PRDM5: variants seen among roughly 807,000 people sequenced by gnomAD.
PRDM5 encodes PR domain zinc finger protein 5.
Under a neutral mutation model 81.2 loss-of-function variants are expected in PRDM5, and 56 were observed. That is an observed-to-expected ratio of 0.69 (90% confidence interval 0.56 to 0.86). The LOEUF is 0.86. PRDM5 is among the 40% of genes least tolerant of loss of function. The pLI is 0.00. For synonymous variants in PRDM5, 267 were observed against 256.4 expected (o/e 1.04, Z -0.39); for missense variants, 697 against 770.1 (o/e 0.91, Z 1.12).
Position 120,785,040 on chromosome 4 carries a change from G to A in PRDM5, c.1240C>T (p.Arg414Trp), listed in dbSNP as rs371659094. 1.1e-5 allele frequency: 18 copies of A among 1,611,504 alleles called. No individual in the cohort carries two copies. Among genetic ancestry groups the A allele is most frequent in the Non-Finnish European group, 1.5e-5 (18 of 1,178,128 alleles). The change falls in exon 11 of 16, where the codon CGG becomes TGG. Residue 414 changes from arginine (R) to tryptophan (W), a missense_variant. This residue lies in a region of PRDM5 where 577 missense variants were observed against 606.7 expected (regional missense o/e 0.95). Transcript: ENST00000264808. Reference protein sequence around the residue: ...FQCEECKALFRTPFSLQRHLL... With the variant: ...FQCEECKALFWTPFSLQRHLL... ...TGTCTCTGTAAAGAAAATGGGGTCC[G>A]GAACAAAGCTTTACATTCTTCACAT...
chr4:120,796,063 A>G (rs568033409), intron 10 of PRDM5, among the ~76,000 whole-genome samples: 1 of 152,300 alleles, frequency 6.6e-6, no homozygotes, highest in African/African-American at 2.4e-5. Context: ...AAAAAACAAA[A>G]GAATAATTAA....
intron 13 of PRDM5, among the ~76,000 whole-genome samples, chr4:120,767,194 T>C (rs1438656423): frequency 6.6e-6 from 1 of 152,148 alleles, no homozygotes; most frequent in Non-Finnish European, 1.5e-5. Flanking sequence ...GACTAACAGG[T>C]AATAATCCAA....
intron 14 of PRDM5, among the ~76,000 whole-genome samples, chr4:120,736,528 C>G (rs1299581155): frequency 6.6e-6 from 1 of 152,128 alleles, no homozygotes; most frequent in African/African-American, 2.4e-5. Context: ...CTCAAGAGCC[C>G]TGAGCGTAAA....
chr4:120,873,072 G>A (rs1761999327), intron 2 of PRDM5, among the ~76,000 whole-genome samples: 5 of 152,022 alleles, frequency 3.3e-5, no homozygotes, highest in Non-Finnish European at 2.9e-5. Flanking sequence ...TTCAATCTCT[G>A]CTCACTGCAA....
intron 2 of PRDM5, among the ~76,000 whole-genome samples, chr4:120,867,542 C>T (rs188184394): frequency 3.9e-4 from 59 of 152,100 alleles, no homozygotes; most frequent in Middle Eastern, 6.8e-3. Flanking sequence ...AAACTATTGA[C>T]CATAAATATT....
At chr4:120,765,843 G>A (rs926662613) in intron 13 of PRDM5, among the ~76,000 whole-genome samples, 1 of 152,086 alleles carries the variant, frequency 6.6e-6, no homozygotes, top group Admixed American at 6.6e-5. Flanking sequence ...CATCAGCAAT[G>A]TTAGCAGCAA....
At position 120,692,978 on chromosome 4, in the gene PRDM5, C is replaced by G. The variant is rs1734174318; in HGVS notation, c.*2133G>C. 1 of 152,076 alleles carries G rather than the reference C, an allele frequency of 6.6e-6. No individual in the cohort carries two copies. Among genetic ancestry groups the G allele is most frequent in the African/African-American group, 2.4e-5 (1 of 41,408 alleles). 9.4% of individuals were successfully genotyped at this position (152,076 alleles called of 1,614,324 possible). ...AAATTTACAGCATACAAATAGTCTA[C>G]TAAGGACTTGTTTTGGTTTCAGTCC... is the stretch of plus-strand genomic sequence containing the variant. On this transcript the variant is annotated 3_prime_UTR_variant, in exon 16 of 16. Coordinates refer to ENST00000264808, the MANE Select transcript of PRDM5 (RefSeq NM_018699.4).
At chr4:120,780,171 C>T (rs1019231993) in intron 12 of PRDM5, among the ~76,000 whole-genome samples, 2 of 152,104 alleles carry the variant, frequency 1.3e-5, no homozygotes, top group Non-Finnish European at 2.9e-5. Flanking sequence ...AAAGTTAACA[C>T]TGCCTGAGTG....
Position 120,754,544 on chromosome 4 carries a change from TA to T in PRDM5, c.1623+8del. 2 of 1,532,060 alleles carry T rather than the reference TA, an allele frequency of 1.3e-6. No homozygotes were observed. Among genetic ancestry groups the T allele is most frequent in the Non-Finnish European group, 1.8e-6 (2 of 1,105,714 alleles). 94.9% of individuals were successfully genotyped at this position (1,532,060 alleles called of 1,614,324 possible). On this transcript the variant is annotated splice_region_variant and intron_variant, in intron 14 of 15. Coordinates refer to ENST00000264808, the MANE Select transcript of PRDM5 (RefSeq NM_018699.4). ...TGATCAATATTAATGAAACAGAATATAATCTTACCCTGGTGTGAGTACGAAT... is the reference window on the plus strand; with the variant it reads ...TGATCAATATTAATGAAACAGAATATATCTTACCCTGGTGTGAGTACGAAT...
At chr4:120,847,613 A>G (rs1165463134) in intron 3 of PRDM5, among the ~76,000 whole-genome samples, 1 of 152,186 alleles carries the variant, frequency 6.6e-6, no homozygotes, top group Non-Finnish European at 1.5e-5. Context: ...TGACCCTTAC[A>G]AATTGTATAA....
chr4:120,856,997 C>T (rs1465691694), intron 2 of PRDM5, among the ~76,000 whole-genome samples: 3 of 152,154 alleles, frequency 2.0e-5, no homozygotes, highest in Non-Finnish European at 2.9e-5. Context: ...GTAAAAACCA[C>T]CTCAGTTCGA....
intron 2 of PRDM5, among the ~76,000 whole-genome samples, chr4:120,868,317 C>T (rs1179385696): frequency 6.6e-6 from 1 of 152,100 alleles, no homozygotes; most frequent in African/African-American, 2.4e-5. Flanking sequence ...GGACACCATT[C>T]CATAATCAAG....
downstream of PRDM5, among the ~76,000 whole-genome samples, chr4:120,687,994 T>C (rs551387302): frequency 8.5e-5 from 13 of 152,280 alleles, no homozygotes; most frequent in South Asian, 2.1e-3. Context: ...TAATACAGAT[T>C]AGTAACAAGA....
At chr4:120,818,162 C>T (rs1754784450) in intron 5 of PRDM5, 191 bp downstream of exon 5, 1 of 574,918 alleles carries the variant, frequency 1.7e-6, no homozygotes, top group East Asian at 2.9e-5. Context: ...TTTTAATAAT[C>T]AACATACTAT....
intron 14 of PRDM5, among the ~76,000 whole-genome samples, chr4:120,754,174 G>A (rs1275267901): frequency 4.0e-5 from 6 of 151,600 alleles, no homozygotes; most frequent in African/African-American, 1.5e-4. Context: ...ATTACTTAAT[G>A]GCCAAATGCT....
intron 14 of PRDM5, among the ~76,000 whole-genome samples, chr4:120,714,417 T>C (rs1365454474): frequency 6.6e-6 from 1 of 152,154 alleles, no homozygotes; most frequent in Non-Finnish European, 1.5e-5. Flanking sequence ...AATTCTCTTT[T>C]CAGCTTGCTG....
intron 2 of PRDM5, among the ~76,000 whole-genome samples, chr4:120,869,943 A>G (rs750201513): frequency 5.9e-5 from 9 of 152,114 alleles, no homozygotes; most frequent in Non-Finnish European, 1.2e-4. Flanking sequence ...TCTACATGAG[A>G]GCACTGTGTA....
intron 14 of PRDM5, among the ~76,000 whole-genome samples, chr4:120,714,373 C>A (rs1737449063): frequency 6.6e-6 from 1 of 152,018 alleles, no homozygotes; most frequent in Non-Finnish European, 1.5e-5. Flanking sequence ...ACTCTAATTT[C>A]TTAAAGTCAA....
chr4:120,788,590 A>G (rs945282945), intron 10 of PRDM5, among the ~76,000 whole-genome samples: 4 of 152,248 alleles, frequency 2.6e-5, no homozygotes, highest in African/African-American at 9.6e-5. Context: ...TAAAAATACT[A>G]TATTCCTCCC....
Sources: allele counts gnomAD v4.1 joint callset (sites outside exome capture counted in the v4.1 genomes callset), GRCh38; gene constraint gnomAD v4.1.1; regional missense constraint gnomAD v4.1.1; transcripts MANE v1.5; gene names NCBI Gene and HGNC (gene_info 2026-07-23, HGNC 2026-07-21).